Variants in PPP1R14C observed in about 807,000 individuals in gnomAD.
PPP1R14C encodes protein phosphatase 1 regulatory inhibitor subunit 14C.
In PPP1R14C, 16 loss-of-function variants were observed where a neutral mutation model predicts 20.4. The observed-to-expected ratio is 0.78, with a 90% CI of 0.53 to 1.19. PPP1R14C has a LOEUF of 1.19. Among genes scored for constraint, PPP1R14C ranks in the 50% most tolerant of loss-of-function variants. The pLI, the probability that PPP1R14C is intolerant of heterozygous loss-of-function variation, is 0.00. For missense variants in PPP1R14C, 211 were observed against 220.1 expected (o/e 0.96, Z 0.26); for synonymous variants, 91 against 91.0 (o/e 1.00, Z 0.00).
chr6:150,176,725 C>A (rs983092289), intron 1 of PPP1R14C, among the ~76,000 whole-genome samples: 3 of 152,114 alleles, frequency 2.0e-5, no homozygotes, highest in Admixed American at 2.0e-4. Flanking sequence ...TTCCTTTAAG[C>A]TGTTATAATG....
rs80024307 is a variant in PPP1R14C at position 150,155,197 on chromosome 6, C to A, written c.306+11699C>A. On this transcript the variant is annotated intron_variant, in intron 1 of 3. Transcript: ENST00000361131. Reference sequence around the variant, plus strand: ...AGAGCATGACTGAATCTATACTAAGCAAATTACTTTCTGTTGGGGAGTTTA... The same window carrying A: ...AGAGCATGACTGAATCTATACTAAGAAAATTACTTTCTGTTGGGGAGTTTA... 6.5e-3 allele frequency among the ~76,000 whole-genome samples: 983 copies of A among 152,234 alleles called. 8 individuals carry two copies. The highest frequency in any genetic ancestry group is 0.022 in the African/African-American group (905 of 41,538).
Position 150,143,403 on chromosome 6 carries a change from A to G in PPP1R14C, c.211A>G (p.Lys71Glu). ...QQQQRRHQQG[K>E]VTVKYDRKEL... is the part of the protein sequence containing the mutation. The stretch of plus-strand genomic sequence containing the variant: ...ACAGCAGCGGCGACACCAGCAGGGA[A>G]AAGTGACAGTGAAATACGATCGTAA... The change falls in exon 1 of 4, where the codon AAA (lysine) becomes GAA (glutamate). Residue 71 changes from lysine to glutamate, a missense_variant. By Grantham distance (56) the Lys-to-Glu change is moderately conservative (BLOSUM62 1). Transcript: ENST00000361131. The surrounding 1 kb of genome is among the most constrained non-coding windows in gnomAD (Gnocchi z 5.6). The G allele has an allele frequency of 6.2e-7, 1 of 1,611,846 alleles. No individual in the cohort carries two copies. Among genetic ancestry groups the G allele is most frequent in the Non-Finnish European group, 8.5e-7 (1 of 1,178,984 alleles).
intron 3 of PPP1R14C, among the ~76,000 whole-genome samples, chr6:150,221,514 AAATTGT>A (rs1778167137): frequency 6.6e-6 from 1 of 152,146 alleles, no homozygotes; most frequent in South Asian, 2.1e-4. Context: ...ATTTTACTTA[AAATTGT>A]TATGCCACTT....
chr6:150,241,120 C>A (rs1441426154), intron 3 of PPP1R14C, among the ~76,000 whole-genome samples: 1 of 151,998 alleles, frequency 6.6e-6, no homozygotes, highest in African/African-American at 2.4e-5. Context: ...TTCAGCCCTA[C>A]CCCCATCCTC....
intron 1 of PPP1R14C, 134 bp from the exon 2 acceptor site, chr6:150,214,610 C>G: frequency 1.6e-6 from 1 of 608,712 alleles, no homozygotes; most frequent in Non-Finnish European, 2.9e-6. Flanking sequence ...CCCCTAGCCT[C>G]TCCTTCCCCC....
chr6:150,201,857 G>T lies in PPP1R14C; in HGVS notation c.307-12887G>T, dbSNP rs1017016697. On this transcript the variant is annotated intron_variant, in intron 1 of 3. Transcript: ENST00000361131. This position sits in a 1 kb window ranked among gnomAD's most constrained non-coding sequence, Gnocchi z 4.2. ...AATTGACAGTTATGGTGATGGATTG[G>T]ATGGTGGCGACAGGGAGAGGAGGGG... Among the ~76,000 whole-genome samples the T allele has an allele frequency of 6.6e-6, 1 of 152,324 alleles. No homozygotes were observed. The highest frequency in any genetic ancestry group is 1.5e-5 in the Non-Finnish European group (1 of 68,028).
At chr6:150,151,162 GT>G (rs572024033) in intron 1 of PPP1R14C, among the ~76,000 whole-genome samples, 269 of 152,050 alleles carry the variant, frequency 1.8e-3, no homozygotes, top group African/African-American at 6.0e-3. Flanking sequence ...GCCCTGATCT[GT>G]TTTCTGAGTG....
At chr6:150,187,474 T>C (rs9397193) in intron 1 of PPP1R14C, among the ~76,000 whole-genome samples, 93,843 of 151,892 alleles carry the variant, frequency 0.62, 30,306 homozygotes, top group African/African-American at 0.82. Flanking sequence ...CTTAAGGCCC[T>C]AGTGTGTGTT....
chr6:150,218,487 A>C (rs1038822448), intron 3 of PPP1R14C, among the ~76,000 whole-genome samples: 95 of 61,468 alleles, frequency 1.5e-3, no homozygotes, highest in Middle Eastern at 0.022. Flanking sequence ...CCCCCCCCCA[A>C]AAAAAAATTC....
At chr6:150,159,252 A>G (rs1777338709) in intron 1 of PPP1R14C, among the ~76,000 whole-genome samples, 1 of 152,226 alleles carries the variant, frequency 6.6e-6, no homozygotes, top group South Asian at 2.1e-4. Context: ...TCAGTAAAGT[A>G]TTAGAACACA....
intron 1 of PPP1R14C, among the ~76,000 whole-genome samples, chr6:150,179,399 A>G (rs533096972): frequency 7.2e-6 from 1 of 138,696 alleles, no homozygotes; most frequent in Admixed American, 7.2e-5. Context: ...AGAAAGAAAG[A>G]GAGAAAGAGA....
At chr6:150,162,308 G>A (rs1777378751) in intron 1 of PPP1R14C, among the ~76,000 whole-genome samples, 1 of 152,178 alleles carries the variant, frequency 6.6e-6, no homozygotes, top group Admixed American at 6.5e-5. Context: ...GCCCACCTGG[G>A]CCTCCCAAAG....
chr6:150,217,177 A>G (rs540697236), intron 3 of PPP1R14C, among the ~76,000 whole-genome samples: 164 of 150,362 alleles, frequency 1.1e-3, no homozygotes, highest in African/African-American at 3.9e-3. Context: ...TATATATTCT[A>G]TTGGTTTATT....
intron 1 of PPP1R14C, among the ~76,000 whole-genome samples, chr6:150,187,940 T>G (rs1298398508): frequency 6.6e-6 from 1 of 152,262 alleles, no homozygotes; most frequent in Non-Finnish European, 1.5e-5. Context: ...AATATTTGTT[T>G]TAATCCCAAA....
Position 150,250,129 on chromosome 6 carries a change from A to C in PPP1R14C, c.*1309A>C, listed in dbSNP as rs1151. The C allele has an allele frequency of 0.29, 44,680 of 152,238 alleles. 7,933 individuals are homozygous for C. Among genetic ancestry groups the C allele is most frequent in the African/African-American group, 0.5 (20,728 of 41,388 alleles). 9.4% of individuals were successfully genotyped at this position (152,238 alleles called of 1,614,324 possible). A position where few individuals can be genotyped will look rare whatever the true frequency, so the allele number is the denominator to read the frequency against. On this transcript the variant is annotated 3_prime_UTR_variant, in exon 4 of 4. Transcript: ENST00000361131. ...CCTTCCCTCCAGGAGGCCCCCGCTG[A>C]CTCCCACAGAAACCCACCTACCATA...
intron 1 of PPP1R14C, among the ~76,000 whole-genome samples, chr6:150,168,119 C>CA (rs1777452663): frequency 7.8e-6 from 1 of 128,680 alleles, no homozygotes; most frequent in Admixed American, 7.9e-5. Flanking sequence ...TTCCCTCCCC[C>CA]ACTCCTTCTC....
At chr6:150,181,167 CT>C (rs1176391190) in intron 1 of PPP1R14C, among the ~76,000 whole-genome samples, 1 of 152,082 alleles carries the variant, frequency 6.6e-6, no homozygotes, top group Non-Finnish European at 1.5e-5. Flanking sequence ...GGCTGGCATT[CT>C]ATGAGGTGTT....
At chr6:150,173,910 C>T (rs541529535) in intron 1 of PPP1R14C, among the ~76,000 whole-genome samples, 6 of 152,110 alleles carry the variant, frequency 3.9e-5, no homozygotes, top group African/African-American at 1.4e-4. Context: ...CTCAAAGCTT[C>T]CTCTGTCTTA....
At chr6:150,175,946 C>T (rs1348304961) in intron 1 of PPP1R14C, among the ~76,000 whole-genome samples, 1 of 152,228 alleles carries the variant, frequency 6.6e-6, no homozygotes, top group African/African-American at 2.4e-5. Flanking sequence ...TTGTACTTCT[C>T]TCCCTGGTAA....
Sources: allele counts gnomAD v4.1 joint callset (sites outside exome capture counted in the v4.1 genomes callset), GRCh38; gene constraint gnomAD v4.1.1; non-coding constraint Gnocchi (gnomAD v3.1); transcripts MANE v1.5; gene names NCBI Gene and HGNC (gene_info 2026-07-23, HGNC 2026-07-21).